The following CD109 variants were observed in gnomAD, a reference collection of about 807,000 sequenced individuals.
The protein encoded by CD109 is CD109 molecule.
A neutral mutation model predicts 165.8 loss-of-function variants in CD109; 149 were observed. That is an observed-to-expected ratio of 0.90 (90% CI 0.79 to 1.03). CD109 has a LOEUF of 1.03. CD109 is among the 50% of genes least tolerant of loss of function. The probability of loss-of-function intolerance (pLI) is 0.00; values close to 1 mark genes in which losing one functional copy is unlikely to be tolerated. For missense variants in CD109, 1,712 were observed against 1,677.8 expected, an observed-to-expected ratio of 1.02 and a Z score of -0.36; for synonymous variants, 585 against 592.1, an observed-to-expected ratio of 0.99 and a Z score of 0.18.
rs1774788715 is a variant in CD109 at position 73,788,574 on chromosome 6, C to T, written c.2663C>T (p.Thr888Ile). ...KTLSFSFPPN[T>I]VTGSERVQIT... ...TTGAGTTTCTCATTTCCTCCTAATA[C>T]AGTGACTGGCAGTGAAAGAGTTCAG... The change falls in exon 22 of 33, where the codon ACA becomes ATA. Residue 888 changes from threonine (T) to isoleucine (I), a missense_variant. By Grantham distance (89) the Thr-to-Ile change is moderately conservative. Transcript: ENST00000287097. 1.2e-6 allele frequency: 2 copies of T among 1,613,238 alleles called. No individual in the cohort carries two copies. Among genetic ancestry groups the T allele is most frequent in the African/African-American group, 1.3e-5 (1 of 74,994 alleles).
intron 7 of CD109, among the ~76,000 whole-genome samples, chr6:73,761,232 C>T (rs1378138267): frequency 6.6e-6 from 1 of 152,110 alleles, no homozygotes; most frequent in Non-Finnish European, 1.5e-5. Flanking sequence ...TAGCAATAGA[C>T]CATGGTGATT....
rs745445259 is a variant in CD109, at chr6:73,768,133, A to G, written c.1576A>G (p.Thr526Ala). The change falls in exon 14 of 33, where the codon ACT (threonine) becomes GCT (alanine). Residue 526 changes from threonine (T) to alanine (A), a missense_variant. Thr to Ala is a moderately conservative substitution (Grantham distance 58). Transcript: ENST00000287097. ...CTCTTTAACACCAGAAAATTCTTGG[A>G]CTCCAAAAGCCTGTGTAATTGTGTA... ...MFSLTPENSW[T>A]PKACVIVYYI... 1.2e-6 allele frequency: 2 copies of G among 1,610,992 alleles called. No individual in the cohort carries two copies. Among genetic ancestry groups the G allele is most frequent in the South Asian group, 1.1e-5 (1 of 90,962 alleles).
At chr6:73,749,775 T>A (rs920393978) in intron 5 of CD109, among the ~76,000 whole-genome samples, 5 of 152,174 alleles carry the variant, frequency 3.3e-5, no homozygotes, top group African/African-American at 1.2e-4. Context: ...CATGATAGTG[T>A]AGAAAGTATG....
intron 27 of CD109, 65 bp downstream of exon 27, chr6:73,810,239 AT>A (rs1432092247): frequency 8.0e-6 from 3 of 374,858 alleles, no homozygotes; most frequent in African/African-American, 6.6e-5. Context: ...TATTATATAT[AT>A]TTTATATATA....
intron 29 of CD109, 124 bp downstream of exon 29, chr6:73,812,394 A>G (rs1257249663): frequency 1.4e-5 from 9 of 629,222 alleles, no homozygotes; most frequent in Non-Finnish European, 1.1e-5. Context: ...CTGTGACTTA[A>G]GCAAGATATA....
intron 22 of CD109, among the ~76,000 whole-genome samples, chr6:73,791,202 T>TACAC (rs1774948556): frequency 8.1e-6 from 1 of 123,550 alleles, no homozygotes; most frequent in African/African-American, 3.3e-5. Context: ...CATATATATA[T>TACAC]ATATATATAT....
chr6:73,820,023 C>G (rs553959601), intron 31 of CD109, among the ~76,000 whole-genome samples: 2 of 152,176 alleles, frequency 1.3e-5, no homozygotes, highest in African/African-American at 4.8e-5. Flanking sequence ...TTGTGTACCC[C>G]ATCTCAGTCA....
intron 24 of CD109, among the ~76,000 whole-genome samples, chr6:73,805,574 C>T (rs966429176): frequency 3.9e-5 from 6 of 152,180 alleles, no homozygotes; most frequent in Admixed American, 1.3e-4. Flanking sequence ...AGACCCTTTA[C>T]GGGTGTTGGG....
In CD109 at chr6:73,806,894, A is replaced by C; in HGVS notation, c.3011A>C (p.Asp1004Ala). The change falls in exon 25 of 33, where the codon GAT (aspartate) becomes GCT (alanine). Residue 1004 changes from aspartate (D) to alanine (A), a missense_variant. By Grantham distance (126) the Asp-to-Ala change is moderately radical. Coordinates refer to ENST00000287097, the MANE Select transcript of CD109 (RefSeq NM_133493.5). ...RCFLEADPYI[D>A]IDQNVLHRTY... ...TTCCTTGAAGCCGATCCTTACATAG[A>C]TATTGATCAGAATGTGTTACACAGA... is the stretch of plus-strand genomic sequence containing the variant. The C allele has an allele frequency of 6.2e-7, 1 of 1,613,900 alleles. No individual in the cohort carries two copies. Among genetic ancestry groups the C allele is most frequent in the Non-Finnish European group, 8.5e-7 (1 of 1,179,940 alleles).
the CD109 span, among the ~76,000 whole-genome samples, chr6:73,681,324 T>TTGTGTGTGTGTGTGTGTG: frequency 1.2e-4 from 17 of 145,568 alleles, no homozygotes; most frequent in Non-Finnish European, 2.0e-4. Flanking sequence ...CAGTTACCAT[T>TTGTGTGTGTGTGTGTGTG]TGTGTGTGTG....
chr6:73,811,552 T>A (rs1775761376), intron 28 of CD109, among the ~76,000 whole-genome samples: 1 of 152,182 alleles, frequency 6.6e-6, no homozygotes, highest in Admixed American at 6.6e-5. Context: ...TTGCTCAAGA[T>A]CATGTTACTA....
intron 7 of CD109, among the ~76,000 whole-genome samples, chr6:73,761,026 C>T: frequency 8.4e-6 from 1 of 119,218 alleles, no homozygotes; most frequent in African/African-American, 3.0e-5. Flanking sequence ...CACACACACA[C>T]ACACACACAC....
the CD109 span, among the ~76,000 whole-genome samples, chr6:73,681,178 C>T: frequency 6.6e-6 from 1 of 151,928 alleles, no homozygotes; most frequent in East Asian, 1.9e-4. Context: ...CTCTTTTTTA[C>T]CCCAGTGATA....
upstream of CD109, chr6:73,696,081 T>A: frequency 1.3e-6 from 1 of 795,576 alleles, no homozygotes. Flanking sequence ...CACTCTGCTG[T>A]TAGGCGCGCC....
chr6:73,799,296 A>T (rs1446902878), intron 23 of CD109, among the ~76,000 whole-genome samples: 1 of 152,224 alleles, frequency 6.6e-6, no homozygotes, highest in African/African-American at 2.4e-5. Context: ...TAGAACATTA[A>T]CATGCTTCCA....
chr6:73,693,891 C>CT (rs34239984), upstream of CD109: 4,775 of 146,180 alleles, frequency 0.033, 212 homozygotes, highest in African/African-American at 0.095. Context: ...CTTTTCTTTT[C>CT]TTTTTTTTTT....
At chr6:73,804,976 C>T (rs1296958467) in intron 24 of CD109, among the ~76,000 whole-genome samples, 12 of 152,120 alleles carry the variant, frequency 7.9e-5, no homozygotes, top group African/African-American at 1.9e-4. Flanking sequence ...GTTAGAATGG[C>T]GATCATTATA....
At chr6:73,808,808 GTGTGTGT>G (rs1775660106) in intron 26 of CD109, among the ~76,000 whole-genome samples, 1 of 1,548 alleles carries the variant, frequency 6.5e-4, no homozygotes, top group Non-Finnish European at 2.3e-3. Flanking sequence ...GGATCCAGGT[GTGTGTGT>G]GTGTGTGTGT....
intron 4 of CD109, among the ~76,000 whole-genome samples, chr6:73,732,795 G>C (rs1772412369): frequency 6.6e-6 from 1 of 152,156 alleles, no homozygotes; most frequent in East Asian, 1.9e-4. Context: ...TTGAATCTTT[G>C]ATTTGCAGAT....
Sources: gnomAD v4.1 joint callset for allele counts (sites outside exome capture counted in the v4.1 genomes callset) on GRCh38, gnomAD v4.1.1 for gene constraint, MANE v1.5 for transcripts, NCBI Gene and HGNC (gene_info 2026-07-23, HGNC 2026-07-21) for gene names.